PDXDC1: variants seen among roughly 807,000 people sequenced by gnomAD.
PDXDC1 encodes pyridoxal-dependent decarboxylase domain-containing protein 1.
In PDXDC1, 42 loss-of-function variants were observed where a neutral mutation model predicts 100.1. The observed-to-expected ratio is 0.42, with a 90% CI of 0.33 to 0.54. PDXDC1 has a LOEUF of 0.54. Ranked by LOEUF, PDXDC1 falls within the 20% of genes least tolerant of loss-of-function variation. PDXDC1 has a pLI of 0.10. For missense variants in PDXDC1, 636 were observed against 979.2 expected (o/e 0.65, Z 4.68); for synonymous variants, 260 against 371.7 (o/e 0.70, Z 3.46).
chr16:14,998,075 C>T (rs1972383714), intron 2 of PDXDC1, among the ~76,000 whole-genome samples: 1 of 152,284 alleles, frequency 6.6e-6, no homozygotes, highest in African/African-American at 2.4e-5. Context: ...ATTGATTTGA[C>T]TCTATAAATA....
chr16:14,977,269 CTTTTTTTT>C lies in PDXDC1; in HGVS notation c.21+2070_21+2077del, dbSNP rs5816116. Among the ~76,000 whole-genome samples the C allele has an allele frequency of 6.2e-4, 59 of 95,048 alleles. No individual in the cohort carries two copies. In the South Asian group the frequency reaches 0.02, roughly 33 times the overall value. The allele number at this position is 95,048 out of a possible 152,430, so 62.4% of individuals were successfully genotyped here. A position where few individuals can be genotyped will look rare whatever the true frequency, so the allele number is the denominator to read the frequency against. On this transcript the variant is annotated intron_variant, in intron 1 of 22. Transcript: ENST00000396410. ...AAGTTTTTCAGAACTATGGGACTTA[CTTTTTTTT>C]TTTTTTTTTTTTTTTTTTTTGAGAG...
chr16:14,984,476 C>CATACATATAT (rs1968816294), intron 1 of PDXDC1, among the ~76,000 whole-genome samples: 1 of 92,722 alleles, frequency 1.1e-5, no homozygotes. Flanking sequence ...TGTGTGTATA[C>CATACATATAT]ATATATATAT....
At chr16:15,041,800 C>T (rs531448082), downstream of PDXDC1, 29 of 733,312 alleles carry the variant, frequency 4.0e-5, no homozygotes, top group African/African-American at 3.3e-4. Flanking sequence ...CTACAGCCCG[C>T]GCCCACACTG....
intron 16 of PDXDC1, among the ~76,000 whole-genome samples, chr16:15,057,371 T>C (rs2044563638): frequency 6.6e-6 from 1 of 152,222 alleles, no homozygotes. Context: ...ACCTCATTTG[T>C]CATTTGTCCT....
intron 16 of PDXDC1, among the ~76,000 whole-genome samples, chr16:15,050,377 T>G (rs1392212628): frequency 6.6e-6 from 1 of 152,196 alleles, no homozygotes; most frequent in Non-Finnish European, 1.5e-5. Flanking sequence ...AGTCTTAGTC[T>G]TCTATCAGCT....
intron 16 of PDXDC1, chr16:15,045,554 T>C (rs2151707516): frequency 6.6e-6 from 1 of 152,024 alleles, no homozygotes; most frequent in South Asian, 2.1e-4. Flanking sequence ...GAAGGAATGC[T>C]TCAGCCCAGA....
intron 8 of PDXDC1, among the ~76,000 whole-genome samples, chr16:15,011,520 C>T (rs367736291): frequency 6.6e-6 from 1 of 152,248 alleles, no homozygotes; most frequent in Admixed American, 6.5e-5. Context: ...AATATGTGAA[C>T]CATAAATTGT....
intron 16 of PDXDC1, chr16:15,061,087 C>G (rs1334386714): frequency 1.3e-5 from 2 of 152,140 alleles, no homozygotes; most frequent in African/African-American, 4.8e-5. Flanking sequence ...TTCCCTATAT[C>G]CTCTCTCTCT....
At chr16:15,006,988 A>T (rs1308532853) in intron 6 of PDXDC1, among the ~76,000 whole-genome samples, 1 of 152,272 alleles carries the variant, frequency 6.6e-6, no homozygotes, top group Admixed American at 6.5e-5. Flanking sequence ...TGGACAACTA[A>T]GAGTGTTTGC....
chr16:14,976,117 A>G (rs1322890560), intron 1 of PDXDC1, among the ~76,000 whole-genome samples: 1 of 152,282 alleles, frequency 6.6e-6, no homozygotes, highest in East Asian at 1.9e-4. Context: ...TTGTAAATGG[A>G]AACCAGTTTG....
At chr16:15,016,078 A>G (rs1307646380) in intron 8 of PDXDC1, 51 bp from the exon 9 acceptor site, 1 of 1,613,624 alleles carries the variant, frequency 6.2e-7, no homozygotes, top group African/African-American at 1.3e-5. Flanking sequence ...TAAGGTATAA[A>G]GCCTTAGAAA....
intron 16 of PDXDC1, chr16:15,104,666 G>C (rs1364204288): frequency 8.8e-6 from 14 of 1,597,582 alleles, no homozygotes; most frequent in Non-Finnish European, 1.0e-5. Context: ...GAGGTGGCTG[G>C]TGGCCCATCC....
intron 16 of PDXDC1, chr16:15,055,832 G>T (rs1338814309): frequency 2.1e-6 from 2 of 935,960 alleles, no homozygotes; most frequent in Admixed American, 4.3e-5. Flanking sequence ...GGGGGCGCTA[G>T]CCCGCCCTGC....
Position 15,128,002 on chromosome 16 carries a change from C to G in PDXDC1, c.1400-10877C>G, listed in dbSNP as rs536526432. The G allele has an allele frequency of 1.3e-4, 211 of 1,593,900 alleles. No homozygotes were observed. The African/African-American group carries it at 2.6e-3, about 20-fold the overall frequency. On this transcript the variant is annotated intron_variant, in intron 16 of 16. Transcript: ENST00000535621. ...GGAACGAGGCCTTACTCGCGGCCAG[C>G]ACCTCCTTCTCCACCAGGCCCCCGT...
intron 16 of PDXDC1, chr16:15,044,450 C>G: frequency 4.0e-6 from 5 of 1,257,210 alleles, no homozygotes; most frequent in Non-Finnish European, 5.8e-6. Context: ...AAGAAGACAC[C>G]GGTGCGTGCG....
rs1052309338 is a variant in PDXDC1, at chr16:15,094,398, C to T, written c.1400-44481C>T. 33 of 651,604 alleles carry T rather than the reference C, an allele frequency of 5.1e-5. No individual in the cohort carries two copies. The East Asian group carries it at 5.5e-4, about 11-fold the overall frequency. The allele number at this position is 651,604 out of a possible 1,614,324, so 40.4% of individuals were successfully genotyped here. A position where few individuals can be genotyped will look rare whatever the true frequency, so the allele number is the denominator to read the frequency against. On this transcript the variant is annotated intron_variant, in intron 16 of 16. Coordinates refer to the PDXDC1 transcript ENST00000535621. ...GGCGGGCTAGAGCGCCGCTGAAACC[C>T]GCTCCTCGTTCTACTTGGAGGACTT... is the stretch of plus-strand genomic sequence containing the variant.
At chr16:14,995,953 T>C (rs1971867033) in intron 1 of PDXDC1, among the ~76,000 whole-genome samples, 1 of 152,304 alleles carries the variant, frequency 6.6e-6, no homozygotes, top group Admixed American at 6.5e-5. Context: ...TATTCTGTGA[T>C]GGTAGTTTGT....
chr16:15,094,983 G>A (rs2046301734), intron 16 of PDXDC1, among the ~76,000 whole-genome samples: 1 of 151,886 alleles, frequency 6.6e-6, no homozygotes, highest in Non-Finnish European at 1.5e-5. Context: ...GATTACAGGC[G>A]CATGCCACCA....
At chr16:14,991,265 A>ATGTGTG (rs759288384) in intron 1 of PDXDC1, among the ~76,000 whole-genome samples, 15 of 137,920 alleles carry the variant, frequency 1.1e-4, no homozygotes, top group African/African-American at 3.5e-4. Flanking sequence ...ATGTATATAG[A>ATGTGTG]TATGTGTGTG....
Sources: allele counts gnomAD v4.1 joint callset (sites outside exome capture counted in the v4.1 genomes callset), GRCh38; gene constraint gnomAD v4.1.1; transcripts MANE v1.5; gene names NCBI Gene and HGNC (gene_info 2026-07-23, HGNC 2026-07-21).